Variants in CTNNA3 observed in about 807,000 individuals in gnomAD.
CTNNA3 encodes the protein catenin alpha-3.
A neutral mutation model predicts 95.7 loss-of-function variants in CTNNA3; 76 were observed. That is an observed-to-expected ratio of 0.79 (90% CI 0.66 to 0.96). CTNNA3 has a LOEUF of 0.96. Ranked by LOEUF, CTNNA3 falls within the 40% of genes least tolerant of loss-of-function variation. The pLI is 0.00. For synonymous variants in CTNNA3, 431 were observed against 374.4 expected (o/e 1.15, Z -1.74); for missense variants, 1,191 against 1,089.8 (o/e 1.09, Z -1.31).
intron 11 of CTNNA3, among the ~76,000 whole-genome samples, chr10:66,486,485 C>T (rs1322905673): frequency 1.3e-5 from 2 of 151,968 alleles, no homozygotes; most frequent in Admixed American, 6.5e-5. Context: ...ATCAAAGCCA[C>T]GATAAGATAT....
At chr10:66,349,643 A>C (rs1334954271) in intron 12 of CTNNA3, among the ~76,000 whole-genome samples, 1 of 152,148 alleles carries the variant, frequency 6.6e-6, no homozygotes, top group Non-Finnish European at 1.5e-5. Context: ...TTGAATTATC[A>C]GGATGATCTT....
At chr10:66,541,835 T>G (rs1004846832) in intron 10 of CTNNA3, among the ~76,000 whole-genome samples, 5 of 152,158 alleles carry the variant, frequency 3.3e-5, no homozygotes, top group African/African-American at 1.2e-4. Flanking sequence ...AAGACTAATT[T>G]AAGAAACTTC....
At chr10:66,460,250 T>A (rs921155005) in intron 11 of CTNNA3, among the ~76,000 whole-genome samples, 1 of 152,182 alleles carries the variant, frequency 6.6e-6, no homozygotes, top group Non-Finnish European at 1.5e-5. Flanking sequence ...TTAAACAGTT[T>A]AATTTAATGC....
intron 7 of CTNNA3, among the ~76,000 whole-genome samples, chr10:66,852,516 T>C (rs1843534407): frequency 6.6e-6 from 1 of 152,190 alleles, no homozygotes; most frequent in Admixed American, 6.6e-5. Flanking sequence ...AATTTGAATA[T>C]TCTCAAAAGG....
chr10:66,137,233 G>A (rs989279271), intron 13 of CTNNA3, among the ~76,000 whole-genome samples: 3 of 152,032 alleles, frequency 2.0e-5, no homozygotes, highest in African/African-American at 2.4e-5. Context: ...CCTGTGCAAC[G>A]CAATGAGGAT....
intron 7 of CTNNA3, among the ~76,000 whole-genome samples, chr10:66,833,633 T>C (rs1278923773): frequency 6.6e-6 from 1 of 152,196 alleles, no homozygotes. Flanking sequence ...AGTGTGTTCC[T>C]AGACACTTGC....
chr10:67,692,140 C>T (rs1409827477), intron 1 of CTNNA3, among the ~76,000 whole-genome samples: 1 of 151,496 alleles, frequency 6.6e-6, no homozygotes, highest in African/African-American at 2.4e-5. Flanking sequence ...CCTGCCCGGC[C>T]AGCCGCCCCC....
chr10:66,706,831 A>T (rs1481713831), intron 9 of CTNNA3, among the ~76,000 whole-genome samples: 1 of 152,062 alleles, frequency 6.6e-6, no homozygotes, highest in East Asian at 1.9e-4. Flanking sequence ...TCTACACCAT[A>T]AGGAAAAAAA....
At chr10:67,394,036 G>A (rs536548064) in intron 5 of CTNNA3, among the ~76,000 whole-genome samples, 2 of 152,120 alleles carry the variant, frequency 1.3e-5, no homozygotes, top group East Asian at 3.8e-4. Context: ...AAATGGTAGT[G>A]GAAGAAGCTG....
At chr10:66,211,009 G>A (rs2088118971) in intron 13 of CTNNA3, among the ~76,000 whole-genome samples, 1 of 152,110 alleles carries the variant, frequency 6.6e-6, no homozygotes, top group African/African-American at 2.4e-5. Context: ...AGGACTAAGT[G>A]GTAATTCTCA....
At chr10:66,318,315 CA>C (rs1181376482) in intron 12 of CTNNA3, among the ~76,000 whole-genome samples, 1 of 114,250 alleles carries the variant, frequency 8.8e-6, no homozygotes, top group East Asian at 2.4e-4. Context: ...TGTATGTGTG[CA>C]CGCGAATTTG....
At chr10:67,738,581 TG>T (rs1841316232) in intron 1 of CTNNA3, among the ~76,000 whole-genome samples, 1 of 151,632 alleles carries the variant, frequency 6.6e-6, no homozygotes, top group Admixed American at 6.6e-5. Flanking sequence ...GGAACAAAGC[TG>T]GGGGGAGAAT....
At chr10:67,725,813 C>A (rs1376968939) in intron 1 of CTNNA3, among the ~76,000 whole-genome samples, 1 of 149,880 alleles carries the variant, frequency 6.7e-6, no homozygotes, top group Non-Finnish European at 1.5e-5. Flanking sequence ...CCCTTATTCG[C>A]CAAAATCTTG....
chr10:67,689,820 C>T lies in CTNNA3; in HGVS notation c.-6+6180G>A, dbSNP rs528287759. ...CCTGGCACCTGTGTCTTTAGTCCAG[C>T]GGCCGCGCTAGTTGCTTTTAGCTGA... On this transcript the variant is annotated intron_variant, in intron 1 of 17. Transcript: ENST00000433211. Among the ~76,000 whole-genome samples, 23 of 152,220 alleles carry T rather than the reference C, an allele frequency of 1.5e-4. No homozygotes were observed. The South Asian group carries it at 2.1e-3, about 14-fold the overall frequency.
At chr10:65,969,759 A>G (rs10996799) in intron 16 of CTNNA3, among the ~76,000 whole-genome samples, 7,234 of 152,226 alleles carry the variant, frequency 0.048, 233 homozygotes, top group Middle Eastern at 0.092. Context: ...AAAGTCTTTG[A>G]GAGATATGGG....
intron 17 of CTNNA3, among the ~76,000 whole-genome samples, chr10:65,943,881 G>A (rs946586444): frequency 6.6e-6 from 1 of 152,166 alleles, no homozygotes; most frequent in Admixed American, 6.5e-5. Flanking sequence ...AGGAGATGTT[G>A]TATATAAAAC....
chr10:67,617,633 A>T (rs1422107460), intron 2 of CTNNA3, among the ~76,000 whole-genome samples: 1 of 152,132 alleles, frequency 6.6e-6, no homozygotes, highest in Non-Finnish European at 1.5e-5. Flanking sequence ...TAATGGGATT[A>T]CTGGGTCAAA....
chr10:66,506,180 C>A (rs1840444418), intron 11 of CTNNA3, among the ~76,000 whole-genome samples: 2 of 152,062 alleles, frequency 1.3e-5, no homozygotes, highest in Admixed American at 6.5e-5. Flanking sequence ...GAGGATTGCT[C>A]CAAGCTGTTC....
intron 7 of CTNNA3, among the ~76,000 whole-genome samples, chr10:66,897,559 A>T (rs956834818): frequency 2.6e-5 from 4 of 152,170 alleles, no homozygotes; most frequent in Admixed American, 2.6e-4. Context: ...AAAACCAATA[A>T]CTTGATTGTA....
Sources: gnomAD v4.1 joint callset for allele counts (sites outside exome capture counted in the v4.1 genomes callset) on GRCh38, gnomAD v4.1.1 for gene constraint, MANE v1.5 for transcripts, NCBI Gene and HGNC (gene_info 2026-07-23, HGNC 2026-07-21) for gene names.